Variants in SNTB1 observed in about 807,000 individuals in gnomAD.
SNTB1 encodes syntrophin beta 1.
A neutral mutation model predicts 48.9 loss-of-function variants in SNTB1; 36 were observed. That is an observed-to-expected ratio of 0.74 (90% confidence interval 0.56 to 0.97). The LOEUF (loss-of-function observed/expected upper bound fraction) is 0.97. SNTB1 is among the 50% of genes least tolerant of loss of function. The pLI, the probability that SNTB1 is intolerant of heterozygous loss-of-function variation, is 0.00. For missense variants in SNTB1, 786 were observed against 703.4 expected (o/e 1.12, Z -1.33); for synonymous variants, 299 against 294.6 (o/e 1.01, Z -0.15).
chr8:120,595,368 C>T (rs1441517984), intron 3 of SNTB1, among the ~76,000 whole-genome samples: 1 of 152,114 alleles, frequency 6.6e-6, no homozygotes, highest in Non-Finnish European at 1.5e-5. Flanking sequence ...CAAGAGTGAC[C>T]TCTGGTCATT....
intron 3 of SNTB1, among the ~76,000 whole-genome samples, chr8:120,603,242 C>A (rs1354194997): frequency 6.6e-6 from 1 of 152,122 alleles, no homozygotes; most frequent in Admixed American, 6.6e-5. Context: ...GCTGGGACTA[C>A]AGGTGCGCCA....
chr8:120,764,368 T>C (rs1190102882), intron 1 of SNTB1, among the ~76,000 whole-genome samples: 2 of 152,172 alleles, frequency 1.3e-5, no homozygotes. Context: ...TCTCATTTGC[T>C]TAAAAAAATA....
intron 1 of SNTB1, among the ~76,000 whole-genome samples, chr8:120,764,623 C>A (rs1286846262): frequency 6.6e-6 from 1 of 152,130 alleles, no homozygotes; most frequent in Admixed American, 6.5e-5. Context: ...TAGCCATTTT[C>A]AATTGCCCTA....
At chr8:120,700,315 T>C (rs1315397625) in intron 1 of SNTB1, among the ~76,000 whole-genome samples, 1 of 152,222 alleles carries the variant, frequency 6.6e-6, no homozygotes. Flanking sequence ...TTTCAATAAA[T>C]GCCTTTTAAG....
chr8:120,582,362 C>T (rs1161248481), intron 3 of SNTB1, among the ~76,000 whole-genome samples: 3 of 151,754 alleles, frequency 2.0e-5, no homozygotes, highest in Admixed American at 6.6e-5. Context: ...TCAGCTTTCA[C>T]CTTAACAAAC....
At chr8:120,716,817 C>G (rs1010659325) in intron 1 of SNTB1, among the ~76,000 whole-genome samples, 1 of 152,074 alleles carries the variant, frequency 6.6e-6, no homozygotes, top group Non-Finnish European at 1.5e-5. Flanking sequence ...TTTTTTCTAG[C>G]AGTATTAGGT....
chr8:120,754,589 A>T (rs924948113), intron 1 of SNTB1, among the ~76,000 whole-genome samples: 3 of 152,170 alleles, frequency 2.0e-5, no homozygotes, highest in African/African-American at 7.2e-5. Context: ...ATTGTTCCAA[A>T]TTCAGAGGGT....
intron 3 of SNTB1, among the ~76,000 whole-genome samples, chr8:120,623,200 T>C (rs1816821339): frequency 6.6e-6 from 1 of 152,236 alleles, no homozygotes; most frequent in South Asian, 2.1e-4. Context: ...TCTCAGACTC[T>C]GCTTCTAAAG....
chr8:120,618,894 A>G (rs1816753785), intron 3 of SNTB1, among the ~76,000 whole-genome samples: 2 of 152,228 alleles, frequency 1.3e-5, no homozygotes, highest in African/African-American at 4.8e-5. Context: ...TCAGAAAAAT[A>G]TCAAGGTTCA....
At chr8:120,760,401 C>A (rs1192428579) in intron 1 of SNTB1, among the ~76,000 whole-genome samples, 1 of 151,502 alleles carries the variant, frequency 6.6e-6, no homozygotes, top group African/African-American at 2.4e-5. Context: ...GGGGTAGATA[C>A]AAAGAATTAT....
rs559123852 is a variant in SNTB1 at position 120,729,589 on chromosome 8, G to A, written c.572-35681C>T. On this transcript the variant is annotated intron_variant, in intron 1 of 6. Coordinates refer to ENST00000517992, the MANE Select transcript of SNTB1 (RefSeq NM_021021.4). The stretch of plus-strand genomic sequence containing the variant: ...TTGTTGAATTCTCTACTCCATGCAT[G>A]CATTGATTATTCAAAATTAACTTTA... Among the ~76,000 whole-genome samples the A allele has an allele frequency of 3.3e-4, 50 of 152,288 alleles. 1 individual carries two copies. The South Asian group carries it at 8.7e-3, about 27-fold the overall frequency.
intron 2 of SNTB1, among the ~76,000 whole-genome samples, chr8:120,653,302 C>T (rs1284241853): frequency 6.6e-6 from 1 of 152,028 alleles, no homozygotes; most frequent in Admixed American, 6.5e-5. Context: ...TTATAAGAGA[C>T]AGAAAAGACA....
intron 3 of SNTB1, among the ~76,000 whole-genome samples, chr8:120,582,812 G>A (rs530118084): frequency 2.0e-5 from 3 of 152,126 alleles, no homozygotes; most frequent in African/African-American, 4.8e-5. Flanking sequence ...TAATGCATGC[G>A]GGGCTTAAAA....
intron 3 of SNTB1, among the ~76,000 whole-genome samples, chr8:120,576,200 C>T (rs1216185923): frequency 6.6e-6 from 1 of 152,170 alleles, no homozygotes; most frequent in Non-Finnish European, 1.5e-5. Context: ...AATCCCTTGG[C>T]TCATTAAAGA....
At chr8:120,700,153 T>TTGTG (rs201805927) in intron 1 of SNTB1, among the ~76,000 whole-genome samples, 61 of 127,332 alleles carry the variant, frequency 4.8e-4, no homozygotes, top group Admixed American at 2.4e-3. Flanking sequence ...TGAAAAAAAA[T>TTGTG]TGCGTGTGTG....
chr8:120,654,450 T>G (rs889722038), intron 2 of SNTB1, among the ~76,000 whole-genome samples: 4 of 152,148 alleles, frequency 2.6e-5, no homozygotes, highest in Admixed American at 6.6e-5. Flanking sequence ...GCGATAAAGT[T>G]CTCTTTTAAT....
At chr8:120,631,406 C>G (rs901419726) in intron 3 of SNTB1, among the ~76,000 whole-genome samples, 9 of 152,290 alleles carry the variant, frequency 5.9e-5, no homozygotes, top group African/African-American at 2.2e-4. Context: ...TAGGCTAAGA[C>G]CCGCGCATGA....
chr8:120,622,556 C>T (rs1816810597), intron 3 of SNTB1, among the ~76,000 whole-genome samples: 1 of 151,860 alleles, frequency 6.6e-6, no homozygotes, highest in African/African-American at 2.4e-5. Context: ...AATTTCAAAG[C>T]ATTAAAAAAA....
intron 1 of SNTB1, among the ~76,000 whole-genome samples, chr8:120,751,652 T>C (rs1819216919): frequency 6.6e-6 from 1 of 152,156 alleles, no homozygotes; most frequent in Non-Finnish European, 1.5e-5. Context: ...TATATATACA[T>C]TTATATATAG....
Sources: allele counts gnomAD v4.1 joint callset (sites outside exome capture counted in the v4.1 genomes callset), GRCh38; gene constraint gnomAD v4.1.1; transcripts MANE v1.5; gene names NCBI Gene and HGNC (gene_info 2026-07-23, HGNC 2026-07-21).